Variants in SESN3 observed in about 807,000 individuals in gnomAD.
SESN3 encodes sestrin-3.
SESN3 carries 21 observed loss-of-function variants against 55.3 expected under a neutral mutation model. The ratio of observed to expected loss-of-function variants is 0.38; its 90% CI spans 0.27 to 0.55. SESN3 has a LOEUF of 0.55. Ranked by LOEUF, SESN3 falls within the 20% of genes least tolerant of loss-of-function variation. The probability of loss-of-function intolerance (pLI) is 0.76; values close to 1 mark genes in which losing one functional copy is unlikely to be tolerated. For missense variants in SESN3, 408 were observed against 604.3 expected (o/e 0.68, Z 3.41); for synonymous variants, 181 against 203.1 (o/e 0.89, Z 0.93).
intron 6 of SESN3, among the ~76,000 whole-genome samples, chr11:95,180,061 T>C (rs1032991431): frequency 1.3e-5 from 2 of 152,194 alleles, no homozygotes; most frequent in African/African-American, 4.8e-5. Context: ...CAAGCTTCAT[T>C]TACTAGCTTC....
intron 1 of SESN3, among the ~76,000 whole-genome samples, chr11:95,214,463 TTC>T (rs777457988): frequency 1.3e-5 from 2 of 152,226 alleles, no homozygotes; most frequent in Non-Finnish European, 2.9e-5. Flanking sequence ...AAGAGCAATC[TTC>T]TATTTACCTA....
intron 1 of SESN3, among the ~76,000 whole-genome samples, chr11:95,197,609 T>C (rs1292402745): frequency 6.6e-6 from 1 of 152,002 alleles, no homozygotes; most frequent in East Asian, 1.9e-4. Flanking sequence ...ACCCAACCCA[T>C]TAACTTCTTT....
At chr11:95,191,698 A>G (rs1336236090) in intron 2 of SESN3, 97 bp from the exon 3 acceptor site, 1 of 828,818 alleles carries the variant, frequency 1.2e-6, no homozygotes, top group African/African-American at 1.7e-5. Flanking sequence ...ATGAATATTC[A>G]TTTGATATTA....
At chr11:95,183,798 T>C (rs1452804629) in intron 6 of SESN3, among the ~76,000 whole-genome samples, 3 of 152,160 alleles carry the variant, frequency 2.0e-5, no homozygotes, top group African/African-American at 7.2e-5. Context: ...ATCTTTTTAG[T>C]TGTAATTGAA....
At chr11:95,204,481 TC>T (rs201134824) in intron 1 of SESN3, among the ~76,000 whole-genome samples, 8 of 151,462 alleles carry the variant, frequency 5.3e-5, no homozygotes, top group East Asian at 3.9e-4. Context: ...AATGTTCCTG[TC>T]CCCCCCCTCA....
At chr11:95,174,500 G>A (rs533217341) in intron 9 of SESN3, among the ~76,000 whole-genome samples, 2 of 151,720 alleles carry the variant, frequency 1.3e-5, no homozygotes, top group Admixed American at 6.6e-5. Flanking sequence ...TCTTTTTTTC[G>A]AGAGATGAAG....
At chr11:95,213,324 T>A (rs1252842903) in intron 1 of SESN3, among the ~76,000 whole-genome samples, 1 of 152,196 alleles carries the variant, frequency 6.6e-6, no homozygotes, top group Non-Finnish European at 1.5e-5. Context: ...ATTTTAAAGA[T>A]GAGAGCTGAT....
chr11:95,206,527 A>G (rs1156716292), intron 1 of SESN3, among the ~76,000 whole-genome samples: 5 of 152,188 alleles, frequency 3.3e-5, no homozygotes, highest in Non-Finnish European at 5.9e-5. Flanking sequence ...TGCTATAATT[A>G]AGATCTGTGA....
intron 1 of SESN3, among the ~76,000 whole-genome samples, chr11:95,211,583 T>C (rs1860656021): frequency 2.0e-5 from 3 of 152,230 alleles, no homozygotes; most frequent in South Asian, 2.1e-4. Flanking sequence ...CTGGCCAATA[T>C]GGTGAAACCC....
Position 95,172,085 on chromosome 11 carries a change from G to A in SESN3, c.*1170C>T, listed in dbSNP as rs1202894153. On this transcript the variant is annotated 3_prime_UTR_variant, in exon 10 of 10. Coordinates refer to ENST00000536441, the MANE Select transcript of SESN3 (RefSeq NM_144665.4). Reference sequence around the variant, plus strand: ...GAAATTTGAAAAAAATTTCTTTATGGCTCTGTTTAAAAGGACACTTTTGCA... The same window carrying A: ...GAAATTTGAAAAAAATTTCTTTATGACTCTGTTTAAAAGGACACTTTTGCA... 6.6e-6 allele frequency: 1 copy of A among 152,084 alleles called. No individual in the cohort carries two copies. The highest frequency in any genetic ancestry group is 1.5e-5 in the Non-Finnish European group (1 of 67,990). The allele number at this position is 152,084 out of a possible 1,614,324, so 9.4% of individuals were successfully genotyped here.
At position 95,191,523 on chromosome 11, in the gene SESN3, T is replaced by C; in HGVS notation, c.223A>G (p.Ile75Val). ...GTGTGTAAACTCATGACCTGTGTGA[T>C]GTTGTCCAGACGACCGGATGTAGAG... ...EYSTSGRLDN[I>V]TQVMSLHTQY... Residue 75 changes from isoleucine to valine, a missense_variant, in exon 3 of 10, where the codon ATC becomes GTC. Ile to Val is a conservative substitution (Grantham distance 29). Transcript: ENST00000536441. 1 of 1,613,100 alleles carries C rather than the reference T, an allele frequency of 6.2e-7. No individual in the cohort carries two copies. Among genetic ancestry groups the C allele is most frequent in the African/African-American group, 1.3e-5 (1 of 74,968 alleles).
rs1860148423 is a variant in SESN3 at position 95,185,613 on chromosome 11, T to G, written c.526-121A>C. ...GAGTAATAAAACTTAAAACTCTCTT[T>G]TAAAAATGTTTCACATGTTAAAGAT... On this transcript the variant is annotated intron_variant, in intron 4 of 9. Coordinates refer to ENST00000536441, the MANE Select transcript of SESN3 (RefSeq NM_144665.4). The G allele has an allele frequency of 4.5e-6, 3 of 669,320 alleles. No homozygotes were observed. The Admixed American group carries it at 8.1e-5, about 18-fold the overall frequency. 41.5% of individuals were successfully genotyped at this position (669,320 alleles called of 1,614,324 possible).
At position 95,165,941 on chromosome 11, in the gene SESN3, GA is replaced by G. The variant is rs1859738878; in HGVS notation, c.*7313del. 1 of 152,148 alleles carries G rather than the reference GA, an allele frequency of 6.6e-6. No homozygotes were observed. The highest frequency in any genetic ancestry group is 1.5e-5 in the Non-Finnish European group (1 of 68,008). The allele number at this position is 152,148 out of a possible 1,614,324, so 9.4% of individuals were successfully genotyped here. A position where few individuals can be genotyped will look rare whatever the true frequency, so the allele number is the denominator to read the frequency against. On this transcript the variant is annotated 3_prime_UTR_variant, in exon 10 of 10. Transcript: ENST00000536441. ...CATACAAAAGCTTTCATGGGTTCTA[GA>G]ACCTTCTTAACTGCTGATTCATGTG...
rs1860268188 is a variant in SESN3, at chr11:95,191,538, C to T, written c.208G>A (p.Gly70Ser). The T allele has an allele frequency of 1.2e-6, 2 of 1,612,846 alleles. No homozygotes were observed. The highest frequency in any genetic ancestry group is 1.7e-6 in the Non-Finnish European group (2 of 1,179,238). The change falls in exon 3 of 10, where the codon GGT becomes AGT. Residue 70 changes from glycine to serine, a missense_variant. Gly to Ser is a moderately conservative substitution (Grantham distance 56). Transcript: ENST00000536441. ...NFLVEEYSTS[G>S]RLDNITQVMS... ...ACCTGTGTGATGTTGTCCAGACGAC[C>T]GGATGTAGAGTATTCTTCCACAAGA...
rs1860004481 is a variant in SESN3 at position 95,178,701 on chromosome 11, ATAT to A, written c.1056+6_1056+8del. 2 of 1,518,508 alleles carry A rather than the reference ATAT, an allele frequency of 1.3e-6. No individual in the cohort carries two copies. The highest frequency in any genetic ancestry group is 1.8e-6 in the Non-Finnish European group (2 of 1,092,806). 94.1% of individuals were successfully genotyped at this position (1,518,508 alleles called of 1,614,324 possible). On this transcript the variant is annotated splice_donor_region_variant and intron_variant, in intron 7 of 9. Coordinates refer to ENST00000536441, the MANE Select transcript of SESN3 (RefSeq NM_144665.4). ...GTTCTAGTTTCTCTGAATTAAAGAC[ATAT>A]TATACCTGAGCTCGGAATGTTGGCA...
chr11:95,201,042 G>A (rs1005308295), intron 1 of SESN3: 1 of 151,886 alleles, frequency 6.6e-6, no homozygotes, highest in Non-Finnish European at 1.5e-5. Context: ...ACAGCTTTAT[G>A]TAATAGTGGT....
At chr11:95,179,743 A>C (rs1025876646) in intron 6 of SESN3, among the ~76,000 whole-genome samples, 2 of 152,184 alleles carry the variant, frequency 1.3e-5, no homozygotes, top group African/African-American at 2.4e-5. Flanking sequence ...ACTGAGCTTT[A>C]TGCCTAAGAT....
chr11:95,227,604 C>T (rs1367825970), intron 1 of SESN3, among the ~76,000 whole-genome samples: 1 of 152,002 alleles, frequency 6.6e-6, no homozygotes, highest in Non-Finnish European at 1.5e-5. Flanking sequence ...AGTGCAATAA[C>T]AATACAAAGA....
In SESN3 at chr11:95,168,321, T is replaced by C. The variant is rs1229477262; in HGVS notation, c.*4934A>G. 5 of 152,228 alleles carry C rather than the reference T, an allele frequency of 3.3e-5. No individual in the cohort carries two copies. The East Asian group carries it at 9.6e-4, about 29-fold the overall frequency. The allele number at this position is 152,228 out of a possible 1,614,324, so 9.4% of individuals were successfully genotyped here. On this transcript the variant is annotated 3_prime_UTR_variant, in exon 10 of 10. Transcript: ENST00000536441. ...ACAACAGTATTCATTCATAACCTAA[T>C]ACAAATCCAAGTTAGGATGGCAATT...
Sources: allele counts gnomAD v4.1 joint callset (sites outside exome capture counted in the v4.1 genomes callset), GRCh38; gene constraint gnomAD v4.1.1; transcripts MANE v1.5; gene names NCBI Gene and HGNC (gene_info 2026-07-23, HGNC 2026-07-21).